The following FRY variants were observed in gnomAD, a reference collection of about 807,000 sequenced individuals.
FRY encodes FRY microtubule binding protein.
Under a neutral mutation model 348.4 loss-of-function variants are expected in FRY, and 128 were observed. The ratio of observed to expected loss-of-function variants is 0.37; its 90% CI spans 0.32 to 0.43. The LOEUF is 0.43. FRY is among the 20% of genes least tolerant of loss of function. The probability of loss-of-function intolerance (pLI) is 1.00; values close to 1 mark genes in which losing one functional copy is unlikely to be tolerated. For missense variants in FRY, 2,736 were observed against 3,695.2 expected, an observed-to-expected ratio of 0.74 and a Z score of 6.73; for synonymous variants, 1,370 against 1,374.7, an observed-to-expected ratio of 1.00 and a Z score of 0.08.
intron 1 of FRY, among the ~76,000 whole-genome samples, chr13:32,053,096 G>C (rs925516886): frequency 6.6e-6 from 1 of 151,714 alleles, no homozygotes; most frequent in Admixed American, 6.6e-5. Context: ...CTGGAAAACA[G>C]AGCGAGACTC....
intron 17 of FRY, among the ~76,000 whole-genome samples, chr13:32,169,356 G>T (rs1414875828): frequency 6.6e-6 from 1 of 152,096 alleles, no homozygotes; most frequent in South Asian, 2.1e-4. Context: ...TCTAATAATA[G>T]CTAACGTTAC....
intron 17 of FRY, 69 bp from the exon 18 acceptor site, chr13:32,170,943 A>G: frequency 8.8e-7 from 1 of 1,134,374 alleles, no homozygotes; most frequent in East Asian, 2.3e-5. Flanking sequence ...AATATCTATT[A>G]ATCCTTGTTA....
intron 1 of FRY, among the ~76,000 whole-genome samples, chr13:32,041,001 A>G (rs758683616): frequency 2.0e-5 from 3 of 152,236 alleles, no homozygotes; most frequent in Non-Finnish European, 4.4e-5. Context: ...CTGTGACAGC[A>G]TTAAAGAATT....
Position 32,104,570 on chromosome 13 carries a change from C to T in FRY, c.324+2554C>T, listed in dbSNP as rs552156286. The stretch of plus-strand genomic sequence containing the variant: ...ACATAGGATTGTCCTCTGATCATTA[C>T]ATCATAAACTCACAAATGAACTGTG... On this transcript the variant is annotated intron_variant, in intron 3 of 60. Transcript: ENST00000542859. Among the ~76,000 whole-genome samples, 80 of 152,296 alleles carry T rather than the reference C, an allele frequency of 5.3e-4. 1 individual carries two copies. The highest frequency in any genetic ancestry group is 1.9e-3 in the Admixed American group (29 of 15,294).
At chr13:32,196,737 G>A (rs1420502842) in intron 29 of FRY, among the ~76,000 whole-genome samples, 1 of 152,106 alleles carries the variant, frequency 6.6e-6, no homozygotes, top group Non-Finnish European at 1.5e-5. Context: ...GAAAGTGATG[G>A]TAGAACTGGC....
rs1054411787 is a variant in FRY at position 32,238,069 on chromosome 13, C to T, written c.6418+83C>T. On this transcript the variant is annotated intron_variant, in intron 44 of 60. Transcript: ENST00000542859. ...GGTACAATAAGATAATATGAACTTA[C>T]TGCTTTTAACAATTCTGCTTAAAAA... The T allele has an allele frequency of 4.8e-6, 7 of 1,447,948 alleles. No individual in the cohort carries two copies. The African/African-American group carries it at 9.8e-5, about 20-fold the overall frequency. 89.7% of individuals were successfully genotyped at this position (1,447,948 alleles called of 1,614,324 possible). A position where few individuals can be genotyped will look rare whatever the true frequency, so the allele number is the denominator to read the frequency against.
chr13:32,111,444 C>T (rs562775792), intron 3 of FRY, among the ~76,000 whole-genome samples: 271 of 152,020 alleles, frequency 1.8e-3, no homozygotes, highest in African/African-American at 2.6e-3. Context: ...TGCGGTGAGC[C>T]GAGATTGTGC....
At chr13:32,256,969 A>G (rs1230237832) in intron 51 of FRY, among the ~76,000 whole-genome samples, 2 of 152,248 alleles carry the variant, frequency 1.3e-5, no homozygotes, top group African/African-American at 2.4e-5. Flanking sequence ...ACTTTGTTTC[A>G]TGCACAAAAT....
rs149260677 is a variant in FRY, at chr13:32,230,629, G to A, written c.5406-550G>A. Among the ~76,000 whole-genome samples the A allele has an allele frequency of 5.7e-3, 861 of 152,302 alleles. 8 individuals carry two copies. Among genetic ancestry groups the A allele is most frequent in the African/African-American group, 0.019 (807 of 41,554 alleles). ...TGTTACAGTGAACATATGCATGCAT[G>A]TGTCTTTATAATAGAACAATGTATA... is the stretch of plus-strand genomic sequence containing the variant. On this transcript the variant is annotated intron_variant, in intron 40 of 60. Transcript: ENST00000542859.
chr13:32,043,065 A>G (rs1872825178), intron 1 of FRY, among the ~76,000 whole-genome samples: 1 of 152,228 alleles, frequency 6.6e-6, no homozygotes, highest in East Asian at 1.9e-4. Flanking sequence ...TTACGTTTCC[A>G]TGTAGCTGGG....
Position 32,274,554 on chromosome 13 carries a change from A to C in FRY, c.8137-288A>C, listed in dbSNP as rs949139528. On this transcript the variant is annotated intron_variant, in intron 55 of 60. Transcript: ENST00000542859. ...CCCGTCTCTACTAAAAATACAAAAA[A>C]TTAGCCAGGCGTGGTGGCAGGCACC... is the stretch of plus-strand genomic sequence containing the variant. Among the ~76,000 whole-genome samples, 28 of 151,714 alleles carry C rather than the reference A, an allele frequency of 1.8e-4. 1 individual carries two copies. Among genetic ancestry groups the C allele is most frequent in the African/African-American group, 4.9e-5 (2 of 41,230 alleles).
At chr13:32,274,530 C>T (rs1340115538) in intron 55 of FRY, among the ~76,000 whole-genome samples, 2 of 151,546 alleles carry the variant, frequency 1.3e-5, no homozygotes, top group Non-Finnish European at 2.9e-5. Flanking sequence ...CAGTGAAACC[C>T]CGTCTCTACT....
chr13:32,166,459 C>T lies in FRY; in HGVS notation c.1893-4553C>T, dbSNP rs113937049. Among the ~76,000 whole-genome samples, 574 of 152,288 alleles carry T rather than the reference C, an allele frequency of 3.8e-3. 5 individuals are homozygous for T. Among genetic ancestry groups the T allele is most frequent in the African/African-American group, 0.013 (541 of 41,562 alleles). On this transcript the variant is annotated intron_variant, in intron 17 of 60. Transcript: ENST00000542859. ...TTTGTAAATCTGTAGGCCAGCTCTACGCTACTTTCCTGAGTAGTCAGAATG... is the reference window on the plus strand; with the variant it reads ...TTTGTAAATCTGTAGGCCAGCTCTATGCTACTTTCCTGAGTAGTCAGAATG...
At chr13:32,158,787 G>A (rs540497383) in intron 16 of FRY, among the ~76,000 whole-genome samples, 34 of 151,748 alleles carry the variant, frequency 2.2e-4, no homozygotes, top group Non-Finnish European at 3.7e-4. Flanking sequence ...GCATGGTGGC[G>A]TGCACCTGTA....
chr13:32,253,006 G>T (rs530125100), intron 50 of FRY, among the ~76,000 whole-genome samples: 1 of 152,272 alleles, frequency 6.6e-6, no homozygotes, highest in Non-Finnish European at 1.5e-5. Context: ...TGCCAACAAG[G>T]CCTACTTCTT....
intron 55 of FRY, among the ~76,000 whole-genome samples, chr13:32,271,347 G>A (rs1888192720): frequency 6.6e-6 from 1 of 152,156 alleles, no homozygotes; most frequent in African/African-American, 2.4e-5. Context: ...GTGTCTATGA[G>A]TTTTATCTTT....
At chr13:32,177,654 C>T (rs1057131804) in intron 20 of FRY, among the ~76,000 whole-genome samples, 2 of 151,898 alleles carry the variant, frequency 1.3e-5, no homozygotes, top group Non-Finnish European at 2.9e-5. Context: ...CAAAAACTGT[C>T]AGTAGAATGT....
intron 11 of FRY, among the ~76,000 whole-genome samples, chr13:32,143,437 A>G (rs1880207984): frequency 6.6e-6 from 1 of 152,218 alleles, no homozygotes; most frequent in South Asian, 2.1e-4. Flanking sequence ...AAATGTTCTT[A>G]AGAGTGAAAG....
intron 1 of FRY, among the ~76,000 whole-genome samples, chr13:32,034,960 A>G (rs1174889612): frequency 1.3e-5 from 2 of 152,234 alleles, no homozygotes; most frequent in Admixed American, 6.5e-5. Context: ...CTGCACTTGC[A>G]TGGCTTCGGA....
Sources: allele counts gnomAD v4.1 joint callset (sites outside exome capture counted in the v4.1 genomes callset), GRCh38; gene constraint gnomAD v4.1.1; transcripts MANE v1.5; gene names NCBI Gene and HGNC (gene_info 2026-07-23, HGNC 2026-07-21).